The following KMT5B variants were observed in gnomAD, a reference collection of about 807,000 sequenced individuals.
The protein encoded by KMT5B is histone-lysine N-methyltransferase KMT5B.
KMT5B carries 10 observed loss-of-function variants against 83.2 expected under a neutral mutation model. The observed-to-expected ratio is 0.12, with a 90% CI of 0.07 to 0.20. KMT5B has a LOEUF of 0.20. KMT5B is among the 10% of genes least tolerant of loss of function. The pLI, the probability that KMT5B is intolerant of heterozygous loss-of-function variation, is 1.00. For missense variants in KMT5B, 753 were observed against 1,067.2 expected (o/e 0.71, Z 4.10); for synonymous variants, 349 against 388.8 (o/e 0.90, Z 1.20).
intron 10 of KMT5B, chr11:68,165,862 C>T (rs1855270946): frequency 1.2e-6 from 2 of 1,612,756 alleles, no homozygotes; most frequent in Non-Finnish European, 1.7e-6. Context: ...TGCTTGGACT[C>T]TGACTCCCAG....
At chr11:68,199,080 G>T (rs1859089267) in intron 1 of KMT5B, among the ~76,000 whole-genome samples, 1 of 152,030 alleles carries the variant, frequency 6.6e-6, no homozygotes, top group Admixed American at 6.6e-5. Flanking sequence ...AAGTAATAAA[G>T]TAATTGCGTT....
rs746752093 is a variant in KMT5B at position 68,156,449 on chromosome 11, CTGA to C, written c.*1236_*1238del. 11 of 152,554 alleles carry C rather than the reference CTGA, an allele frequency of 7.2e-5. No homozygotes were observed. The highest frequency in any genetic ancestry group is 1.5e-4 in the Non-Finnish European group (10 of 68,022). The allele number at this position is 152,554 out of a possible 1,614,324, so 9.5% of individuals were successfully genotyped here. On this transcript the variant is annotated 3_prime_UTR_variant, in exon 11 of 11. Coordinates refer to ENST00000304363, the MANE Select transcript of KMT5B (RefSeq NM_017635.5). ...TTAAATCTGACTCCTTTTTGTTTAACTGATAATATAGTCAAAAAAATCTTTGAT... is the reference window on the plus strand; with the variant it reads ...TTAAATCTGACTCCTTTTTGTTTAACTAATATAGTCAAAAAAATCTTTGAT...
intron 6 of KMT5B, among the ~76,000 whole-genome samples, chr11:68,172,907 A>G (rs879725982): frequency 8.5e-5 from 13 of 152,192 alleles, no homozygotes; most frequent in Non-Finnish European, 1.8e-4. Context: ...TTTGTGGTAG[A>G]AATATCAGAG....
intron 9 of KMT5B, among the ~76,000 whole-genome samples, chr11:68,170,524 T>C (rs577560137): frequency 4.1e-4 from 63 of 152,294 alleles, no homozygotes; most frequent in Admixed American, 3.1e-3. Context: ...GGGATTTCTG[T>C]AAAGACTCCA....
At chr11:68,184,429 A>G (rs1857239257) in intron 3 of KMT5B, among the ~76,000 whole-genome samples, 1 of 152,200 alleles carries the variant, frequency 6.6e-6, no homozygotes, top group Non-Finnish European at 1.5e-5. Context: ...TACCTGAATT[A>G]CTTCTTTTGG....
chr11:68,196,193 G>T (rs552644166), intron 1 of KMT5B, among the ~76,000 whole-genome samples: 3 of 151,848 alleles, frequency 2.0e-5, no homozygotes, highest in Admixed American at 1.3e-4. Context: ...TTTCCTGGGG[G>T]TGTGGGGAAG....
At chr11:68,179,431 G>A in intron 4 of KMT5B, 1 of 1,297,642 alleles carries the variant, frequency 7.7e-7, no homozygotes, top group South Asian at 1.2e-5. Context: ...ATTATTAAAG[G>A]GGCAGGAAAA....
intron 4 of KMT5B, among the ~76,000 whole-genome samples, chr11:68,178,242 G>C (rs910799615): frequency 1.3e-5 from 2 of 152,130 alleles, no homozygotes; most frequent in Non-Finnish European, 2.9e-5. Context: ...AATGAAACTT[G>C]GCTATTTTTA....
intron 1 of KMT5B, among the ~76,000 whole-genome samples, chr11:68,196,624 T>C (rs147022192): frequency 1.3e-5 from 2 of 151,878 alleles, no homozygotes; most frequent in Non-Finnish European, 2.9e-5. Flanking sequence ...AAAATGTCCA[T>C]GGTGTGTAAG....
At chr11:68,173,009 C>T (rs1300820032) in intron 6 of KMT5B, among the ~76,000 whole-genome samples, 1 of 152,116 alleles carries the variant, frequency 6.6e-6, no homozygotes, top group African/African-American at 2.4e-5. Flanking sequence ...TATTCTCTTT[C>T]ATCTGTAACT....
intron 1 of KMT5B, among the ~76,000 whole-genome samples, chr11:68,202,546 CTTTTTTTTTTT>C (rs71040602): frequency 1.6e-5 from 2 of 121,988 alleles, no homozygotes; most frequent in Non-Finnish European, 3.3e-5. Flanking sequence ...CTAAGACACA[CTTTTTTTTTTT>C]TTTTTTTTTG....
rs768947458 is a variant in KMT5B at position 68,156,486 on chromosome 11, A to AATAAACTAAC, written c.*1192_*1201dup. 6.6e-6 allele frequency: 1 copy of AATAAACTAAC among 152,668 alleles called. No individual in the cohort carries two copies. The highest frequency in any genetic ancestry group is 1.5e-5 in the Non-Finnish European group (1 of 68,038). 9.5% of individuals were successfully genotyped at this position (152,668 alleles called of 1,614,324 possible). On this transcript the variant is annotated 3_prime_UTR_variant, in exon 11 of 11. Transcript: ENST00000304363. ...TCAAAAAAATCTTTGATGTTTTCAT[A>AATAAACTAAC]ATAAACTAACATAAACTAACATAAG...
At position 68,190,147 on chromosome 11, in the gene KMT5B, T is replaced by A; in HGVS notation, c.-71A>T. On this transcript the variant is annotated 5_prime_UTR_variant, in exon 2 of 11. Transcript: ENST00000304363. The stretch of plus-strand genomic sequence containing the variant: ...ATAGCTTAGAGAATACTTTCAATGT[T>A]CTCTCCTAACAGAAACAAAATATGA... 6.9e-7 allele frequency: 1 copy of A among 1,440,246 alleles called. No individual in the cohort carries two copies. Among genetic ancestry groups the A allele is most frequent in the Non-Finnish European group, 9.7e-7 (1 of 1,035,698 alleles). 89.2% of individuals were successfully genotyped at this position (1,440,246 alleles called of 1,614,324 possible).
chr11:68,194,038 C>G (rs1858407079), intron 1 of KMT5B, among the ~76,000 whole-genome samples: 2 of 151,918 alleles, frequency 1.3e-5, no homozygotes, highest in Admixed American at 6.6e-5. Flanking sequence ...CCATTGGGAG[C>G]CTTGGATCTT....
chr11:68,183,015 C>T (rs545355564), intron 3 of KMT5B, among the ~76,000 whole-genome samples: 3 of 152,154 alleles, frequency 2.0e-5, no homozygotes, highest in African/African-American at 2.4e-5. Context: ...GGATTACAGG[C>T]GTGAGCCACC....
At chr11:68,203,022 C>T (rs569900007) in intron 1 of KMT5B, among the ~76,000 whole-genome samples, 1 of 152,236 alleles carries the variant, frequency 6.6e-6, no homozygotes, top group South Asian at 2.1e-4. Flanking sequence ...GTCACCCAGG[C>T]TGTAGTGCAG....
Position 68,157,860 on chromosome 11 carries a change from G to T in KMT5B, c.2486C>A (p.Ser829Tyr). ...CTCTTCATCGCCCTCAGAAGAGGAG[G>T]AATCATCTGTACTTTCTTCCTCATA... ...SQYEEESTDD[S>Y]SSSEGDEEED... is the part of the protein sequence containing the mutation. The change falls in exon 11 of 11, where the codon TCC (serine) becomes TAC (tyrosine). Residue 829 changes from serine to tyrosine, a missense_variant. This residue lies in a region of KMT5B where 161 missense variants were observed against 195.1 expected (regional missense o/e 0.83). Transcript: ENST00000304363. 1 of 1,613,974 alleles carries T rather than the reference G, an allele frequency of 6.2e-7. No individual in the cohort carries two copies. The highest frequency in any genetic ancestry group is 8.5e-7 in the Non-Finnish European group (1 of 1,179,954).
chr11:68,193,392 C>G (rs549039677), intron 1 of KMT5B, among the ~76,000 whole-genome samples: 1 of 152,252 alleles, frequency 6.6e-6, no homozygotes, highest in East Asian at 1.9e-4. Context: ...TGATACTCAA[C>G]ACAAACACAA....
intron 1 of KMT5B, among the ~76,000 whole-genome samples, chr11:68,204,678 C>A (rs1209810392): frequency 1.5e-5 from 2 of 132,110 alleles, no homozygotes; most frequent in Non-Finnish European, 3.1e-5. Context: ...GGCAGTGGTG[C>A]GATCTCAGCT....
Sources: allele counts gnomAD v4.1 joint callset (sites outside exome capture counted in the v4.1 genomes callset), GRCh38; gene constraint gnomAD v4.1.1; regional missense constraint gnomAD v4.1.1; transcripts MANE v1.5; gene names NCBI Gene and HGNC (gene_info 2026-07-23, HGNC 2026-07-21).